Variants in DNAH14 observed in about 807,000 individuals in gnomAD.
The protein encoded by DNAH14 is dynein axonemal heavy chain 14, also known as axonemal beta dynein heavy chain 14.
A neutral mutation model predicts 520.9 loss-of-function variants in DNAH14; 478 were observed. The observed-to-expected ratio is 0.92, with a 90% CI of 0.85 to 0.99. DNAH14 has a LOEUF of 0.99. Ranked by LOEUF, DNAH14 falls within the 50% of genes least tolerant of loss-of-function variation. The pLI is 0.00. For synonymous variants in DNAH14, 1,581 were observed against 1,757.2 expected, an observed-to-expected ratio of 0.90 and a Z score of 2.51; for missense variants, 4,831 against 5,234.5, an observed-to-expected ratio of 0.92 and a Z score of 2.38.
rs1161828431 is a variant in DNAH14, at chr1:225,368,082, A to C, written c.12318+50A>C. ...CAACAAATAAGTAACAATAAGATAC[A>C]AATTGAGAGCCTACTATGTGCCTAC... On this transcript the variant is annotated intron_variant, in intron 77 of 85. Coordinates refer to ENST00000682510, the MANE Select transcript of DNAH14 (RefSeq NM_001367479.1). The C allele has an allele frequency of 8.4e-6, 12 of 1,423,862 alleles. No individual in the cohort carries two copies. In the African/African-American group the frequency reaches 1.6e-4, roughly 19 times the overall value. 88.2% of individuals were successfully genotyped at this position (1,423,862 alleles called of 1,614,324 possible).
At chr1:225,365,477 A>G (rs1282006580) in intron 76 of DNAH14, among the ~76,000 whole-genome samples, 1 of 152,206 alleles carries the variant, frequency 6.6e-6, no homozygotes, top group Non-Finnish European at 1.5e-5. Context: ...CAGCTTTCAC[A>G]GAAGTGGGTG....
At chr1:225,224,052 A>G (rs2090308212) in intron 41 of DNAH14, among the ~76,000 whole-genome samples, 1 of 152,158 alleles carries the variant, frequency 6.6e-6, no homozygotes, top group Non-Finnish European at 1.5e-5. Context: ...CTTCCTGGTC[A>G]GTAAGATCTC....
At chr1:225,211,587 C>G (rs1276736723) in intron 41 of DNAH14, among the ~76,000 whole-genome samples, 4 of 152,036 alleles carry the variant, frequency 2.6e-5, no homozygotes, top group African/African-American at 9.7e-5. Context: ...TCAAGATATC[C>G]AGAAGAACTT....
intron 10 of DNAH14, among the ~76,000 whole-genome samples, chr1:225,018,185 A>G (rs1268759197): frequency 6.6e-6 from 1 of 152,226 alleles, no homozygotes; most frequent in Non-Finnish European, 1.5e-5. Flanking sequence ...CAAGAGTTGA[A>G]GGACAACCTA....
chr1:225,141,749 G>A (rs1248275096), intron 28 of DNAH14, among the ~76,000 whole-genome samples: 1 of 152,060 alleles, frequency 6.6e-6, no homozygotes, highest in Non-Finnish European at 1.5e-5. Flanking sequence ...CAGACTGAGG[G>A]GAAACAAACT....
intron 8 of DNAH14, among the ~76,000 whole-genome samples, chr1:224,997,615 C>A (rs1041753874): frequency 2.0e-5 from 3 of 152,006 alleles, no homozygotes; most frequent in Admixed American, 6.6e-5. Flanking sequence ...TGCCCTTTTA[C>A]TGATATCAGT....
intron 81 of DNAH14, among the ~76,000 whole-genome samples, chr1:225,388,028 G>A (rs2095862487): frequency 6.6e-6 from 1 of 152,074 alleles, no homozygotes. Flanking sequence ...CTTTGTATAG[G>A]GGAAGGTCAG....
At chr1:225,013,795 G>A (rs1440155342) in intron 10 of DNAH14, among the ~76,000 whole-genome samples, 5 of 152,244 alleles carry the variant, frequency 3.3e-5, no homozygotes, top group Middle Eastern at 3.4e-3. Context: ...AATGGTGGAT[G>A]CCCCTTTCCC....
At chr1:225,211,668 A>T (rs1482846184) in intron 41 of DNAH14, among the ~76,000 whole-genome samples, 1 of 152,254 alleles carries the variant, frequency 6.6e-6, no homozygotes, top group African/African-American at 2.4e-5. Flanking sequence ...ACTCCTCAAG[A>T]AGAGAAACCC....
chr1:224,950,305 A>C (rs890698196), intron 1 of DNAH14, among the ~76,000 whole-genome samples: 1 of 151,970 alleles, frequency 6.6e-6, no homozygotes, highest in Non-Finnish European at 1.5e-5. Flanking sequence ...ATTTATTTTC[A>C]TGTGCCTTTT....
At position 225,374,722 on chromosome 1, in the gene DNAH14, G is replaced by A; in HGVS notation, c.12353G>A (p.Gly4118Glu). 6.4e-7 allele frequency: 1 copy of A among 1,550,420 alleles called. No individual in the cohort carries two copies. Among genetic ancestry groups the A allele is most frequent in the Non-Finnish European group, 8.7e-7 (1 of 1,146,160 alleles). ...AAGGTGTTGGAAAATTCCCTGAGAG[G>A]ACAGCCCAGCATTTCGTGGCAAGCA... is the stretch of plus-strand genomic sequence containing the variant. ...AIKVLENSLR[G>E]QPSISWQALR... Residue 4118 changes from glycine (G) to glutamate (E), a missense_variant, in exon 78 of 86, where the codon GGA becomes GAA. By Grantham distance (98) the Gly-to-Glu change is moderately conservative. Transcript: ENST00000682510.
In DNAH14 at chr1:225,368,019, C is replaced by T. The variant is rs2095574300; in HGVS notation, c.12305C>T (p.Ser4102Phe). 1 of 1,547,984 alleles carries T rather than the reference C, an allele frequency of 6.5e-7. No homozygotes were observed. The highest frequency in any genetic ancestry group is 2.4e-5 in the East Asian group (1 of 40,888). The stretch of plus-strand genomic sequence containing the variant: ...TGGAATATTGCTTATAAATTTAATT[C>T]TTCAGACTTGGGGGTAAGTGTAGTC... ...LGWNIAYKFN[S>F]SDLGVAIKVL... The change falls in exon 77 of 86, where the codon TCT (serine) becomes TTT (phenylalanine). Residue 4102 changes from serine (S) to phenylalanine (F), a missense_variant. By Grantham distance (155) the Ser-to-Phe change is radical (BLOSUM62 -2). Coordinates refer to ENST00000682510, the MANE Select transcript of DNAH14 (RefSeq NM_001367479.1).
At chr1:225,266,121 G>A (rs1574395868) in intron 48 of DNAH14, among the ~76,000 whole-genome samples, 1 of 152,032 alleles carries the variant, frequency 6.6e-6, no homozygotes, top group South Asian at 2.1e-4. Flanking sequence ...TTTAAAATTT[G>A]GAAATGTGTC....
At chr1:225,234,276 C>G (rs1352351288) in intron 42 of DNAH14, among the ~76,000 whole-genome samples, 1 of 152,136 alleles carries the variant, frequency 6.6e-6, no homozygotes, top group Non-Finnish European at 1.5e-5. Flanking sequence ...GCAAGCTCCA[C>G]CTCCCAGGTT....
At chr1:225,203,639 G>A (rs560603099) in intron 38 of DNAH14, among the ~76,000 whole-genome samples, 1 of 152,216 alleles carries the variant, frequency 6.6e-6, no homozygotes, top group Non-Finnish European at 1.5e-5. Flanking sequence ...ATTTCTCAAA[G>A]GTTGGTGTAA....
At chr1:225,361,277 G>A (rs893413892) in intron 75 of DNAH14, among the ~76,000 whole-genome samples, 2 of 152,330 alleles carry the variant, frequency 1.3e-5, no homozygotes, top group African/African-American at 2.4e-5. Context: ...TTTTGGTGAT[G>A]ATTCATTTTA....
intron 29 of DNAH14, among the ~76,000 whole-genome samples, chr1:225,144,874 A>T (rs140471597): frequency 6.6e-6 from 1 of 151,310 alleles, no homozygotes; most frequent in Non-Finnish European, 1.5e-5. Context: ...ACTGACTAAC[A>T]TGTGAATGAT....
intron 41 of DNAH14, among the ~76,000 whole-genome samples, chr1:225,224,442 T>C (rs1212240578): frequency 6.6e-6 from 1 of 152,106 alleles, no homozygotes; most frequent in Admixed American, 6.6e-5. Flanking sequence ...TCTCCCTATA[T>C]CCAGCTAGTT....
At chr1:225,062,423 A>G (rs1488225499) in intron 17 of DNAH14, among the ~76,000 whole-genome samples, 1 of 152,154 alleles carries the variant, frequency 6.6e-6, no homozygotes, top group Admixed American at 6.5e-5. Context: ...CAAGTGAGAG[A>G]GAGGATTTCT....
Sources: gnomAD v4.1 joint callset for allele counts (sites outside exome capture counted in the v4.1 genomes callset) on GRCh38, gnomAD v4.1.1 for gene constraint, MANE v1.5 for transcripts, NCBI Gene and HGNC (gene_info 2026-07-23, HGNC 2026-07-21) for gene names.